PZP: variants seen among roughly 807,000 people sequenced by gnomAD.
PZP encodes PZP alpha-2-macroglobulin like.
PZP carries 150 observed loss-of-function variants against 179.8 expected under a neutral mutation model. The observed-to-expected ratio is 0.83, with a 90% CI of 0.73 to 0.96. The LOEUF (loss-of-function observed/expected upper bound fraction) is 0.96, where lower values mean the gene tolerates loss of function less well. Ranked by LOEUF, PZP falls within the 40% of genes least tolerant of loss-of-function variation. The pLI is 0.00. For synonymous variants in PZP, 624 were observed against 652.3 expected, an observed-to-expected ratio of 0.96 and a Z score of 0.66; for missense variants, 1,689 against 1,764.0, an observed-to-expected ratio of 0.96 and a Z score of 0.76.
chr12:9,185,792 T>TTCTTTTCTTTTCTTA, intron 13 of PZP, among the ~76,000 whole-genome samples: 1 of 145,358 alleles, frequency 6.9e-6, no homozygotes, highest in East Asian at 2.0e-4. Flanking sequence ...TGTTCAACAT[T>TTCTTTTCTTTTCTTA]TCTTTTCTTT....
At chr12:9,177,571 G>A (rs771056641) in intron 15 of PZP, among the ~76,000 whole-genome samples, 40 of 152,290 alleles carry the variant, frequency 2.6e-4, no homozygotes, top group Non-Finnish European at 4.4e-4. Flanking sequence ...GATAGGTAAC[G>A]CAAACACCCT....
chr12:9,149,575 G>A lies in PZP; in HGVS notation c.4412C>T (p.Ala1471Val). The change falls in exon 35 of 36, where the codon GCC becomes GTC. Residue 1471 changes from alanine to valine, a missense_variant. By Grantham distance (64) the Ala-to-Val change is moderately conservative (BLOSUM62 0). Transcript: ENST00000261336. The stretch of plus-strand genomic sequence containing the variant: ...TGAACTCTTACCTGTGCTGCAGGGG[G>A]CGATATACTCAGCAACCACAGACTC... ...TDESVVAEYI[A>V]PCSTDTEHGN... 6.2e-7 allele frequency: 1 copy of A among 1,613,104 alleles called. No individual in the cohort carries two copies. The highest frequency in any genetic ancestry group is 8.5e-7 in the Non-Finnish European group (1 of 1,179,412).
At chr12:9,157,932 T>A in intron 26 of PZP, 91 bp from the exon 27 acceptor site, 1 of 1,068,616 alleles carries the variant, frequency 9.4e-7, no homozygotes, top group Non-Finnish European at 1.4e-6. Context: ...TCAGTATCTG[T>A]TTCCATTCAA....
chr12:9,204,271 C>G (rs1292616285), intron 1 of PZP, among the ~76,000 whole-genome samples: 2 of 152,142 alleles, frequency 1.3e-5, no homozygotes, highest in African/African-American at 2.4e-5. Flanking sequence ...TAAAAAGAAT[C>G]TGAATTCTTG....
At chr12:9,165,095 C>A (rs776415222) in intron 19 of PZP, 44 bp downstream of exon 19, 1 of 1,582,812 alleles carries the variant, frequency 6.3e-7, no homozygotes, top group Non-Finnish European at 8.7e-7. Flanking sequence ...TCAAAGGAAT[C>A]TTTTGTTCTA....
At chr12:9,207,030 T>A (rs1944469750) in intron 1 of PZP, among the ~76,000 whole-genome samples, 1 of 152,128 alleles carries the variant, frequency 6.6e-6, no homozygotes. Flanking sequence ...GGGAGAAATG[T>A]ACCCCTACCG....
Position 9,181,094 on chromosome 12 carries a change from G to A in PZP, c.1728C>T (p.Ala576=), listed in dbSNP as rs1942732481. ...CTGCTACTTGCAGGTGGGCATGTGA[G>A]GCTGGGGGACTTTGTGCTGGGCTGA... is the stretch of plus-strand genomic sequence containing the variant. ...LSFSPAQSPP[A]SHAHLQVAAA... The change falls in exon 15 of 36, where the codon GCC becomes GCT. Residue 576 remains alanine (A), a synonymous_variant. Coordinates refer to ENST00000261336, the MANE Select transcript of PZP (RefSeq NM_002864.3). The A allele has an allele frequency of 6.2e-7, 1 of 1,614,058 alleles. No individual in the cohort carries two copies. Among genetic ancestry groups the A allele is most frequent in the Non-Finnish European group, 8.5e-7 (1 of 1,180,008 alleles).
At chr12:9,171,146 G>A (rs751058216) in intron 15 of PZP, among the ~76,000 whole-genome samples, 1 of 152,348 alleles carries the variant, frequency 6.6e-6, no homozygotes, top group East Asian at 1.9e-4. Flanking sequence ...CTAGAGGAAG[G>A]CACAGGCTGC....
chr12:9,189,068 T>C (rs1282215272), intron 13 of PZP, among the ~76,000 whole-genome samples: 3 of 152,298 alleles, frequency 2.0e-5, no homozygotes, highest in South Asian at 2.1e-4. Context: ...AATGGTCATA[T>C]TGCCCAAAGC....
chr12:9,202,196 G>T, intron 4 of PZP, 123 bp downstream of exon 4: 1 of 867,682 alleles, frequency 1.2e-6, no homozygotes, highest in Non-Finnish European at 1.8e-6. Context: ...CTGTGCTGAG[G>T]CTGGAGCCAA....
chr12:9,176,870 A>G (rs989758754), intron 15 of PZP, among the ~76,000 whole-genome samples: 1 of 152,208 alleles, frequency 6.6e-6, no homozygotes, highest in African/African-American at 2.4e-5. Flanking sequence ...ATGTCTTTGT[A>G]TCTAGAGGTA....
intron 15 of PZP, among the ~76,000 whole-genome samples, chr12:9,177,251 A>G (rs1462907375): frequency 1.3e-5 from 2 of 152,238 alleles, no homozygotes; most frequent in Admixed American, 6.5e-5. Flanking sequence ...CTTGGATCAC[A>G]TGCTCTGGAG....
Position 9,192,205 on chromosome 12 carries a change from C to G in PZP, c.1534G>C (p.Glu512Gln), listed in dbSNP as rs777564969. The change falls in exon 13 of 36, where the codon GAG becomes CAG. Residue 512 changes from glutamate (E) to glutamine (Q), a missense_variant. Glu to Gln is a conservative substitution (Grantham distance 29). Coordinates refer to ENST00000261336, the MANE Select transcript of PZP (RefSeq NM_002864.3). ...VRSGTHTLPV[E>Q]SGDMKGSFAL... Reference sequence around the variant, plus strand: ...TGAGGATACTCACTGTCTCCTGACTCCACAGGCAGAGTGTGGGTTCCAGAT... The same window carrying G: ...TGAGGATACTCACTGTCTCCTGACTGCACAGGCAGAGTGTGGGTTCCAGAT... 5.0e-6 allele frequency: 8 copies of G among 1,613,734 alleles called. No individual in the cohort carries two copies. Among genetic ancestry groups the G allele is most frequent in the African/African-American group, 1.3e-5 (1 of 74,902 alleles).
At chr12:9,155,492 ATTG>A (rs5796340) in intron 28 of PZP, among the ~76,000 whole-genome samples, 28,220 of 151,306 alleles carry the variant, frequency 0.19, 2,969 homozygotes, top group East Asian at 0.46. Flanking sequence ...TGTTGTTGTT[ATTG>A]TTGTTGTTGT....
rs142943281 is a variant in PZP at position 9,202,623 on chromosome 12, G to A, written c.329C>T (p.Thr110Met). The change falls in exon 3 of 36, where the codon ACG (threonine) becomes ATG (methionine). Residue 110 changes from threonine to methionine, a missense_variant. Thr to Met is a moderately conservative substitution (Grantham distance 81). Coordinates refer to ENST00000261336, the MANE Select transcript of PZP (RefSeq NM_002864.3). ...AFLSIQIKGP[T>M]QDFRKRNTVL... is the part of the protein sequence containing the mutation. ...TGTGTTCCTCTTCCTGAAATCTTGC[G>A]TAGGCCCCTTTATCTGGATGCTAAG... 218 of 1,614,048 alleles carry A rather than the reference G, an allele frequency of 1.4e-4. 1 individual carries two copies. Among genetic ancestry groups the A allele is most frequent in the East Asian group, 3.3e-4 (15 of 44,868 alleles).
rs1944231485 is a variant in PZP at position 9,202,656 on chromosome 12, A to G, written c.296T>C (p.Val99Ala). ...TLPRISASSE[V>A]AFLSIQIKGP... ...CTTTATCTGGATGCTAAGGAATGCC[A>G]CCTCTGAAGAGGCTGAGATCCTTGG... The change falls in exon 3 of 36, where the codon GTG (valine) becomes GCG (alanine). Residue 99 changes from valine (V) to alanine (A), a missense_variant. Coordinates refer to ENST00000261336, the MANE Select transcript of PZP (RefSeq NM_002864.3). 1 of 1,614,062 alleles carries G rather than the reference A, an allele frequency of 6.2e-7. No individual in the cohort carries two copies. The highest frequency in any genetic ancestry group is 1.1e-5 in the South Asian group (1 of 91,072).
At chr12:9,138,823 A>G in the PZP span, among the ~76,000 whole-genome samples, 2 of 152,036 alleles carry the variant, frequency 1.3e-5, no homozygotes, top group East Asian at 3.9e-4. Context: ...GAGCAGTTAT[A>G]ATGTATCTTC....
chr12:9,181,973 A>G lies in PZP; in HGVS notation c.1689+2T>C, dbSNP rs886688234. The G allele has an allele frequency of 6.2e-7, 1 of 1,612,750 alleles. No individual in the cohort carries two copies. Among genetic ancestry groups the G allele is most frequent in the Non-Finnish European group, 8.5e-7 (1 of 1,179,412 alleles). On this transcript the variant is annotated splice_donor_variant, in intron 14 of 35. Transcript: ENST00000261336. LOFTEE classifies it high-confidence loss of function. ...CTTTTAATTTTATGTTAAATCGCTCACCTTGTTGGCTAGACAGTTTTCAAT... is the reference window on the plus strand; with the variant it reads ...CTTTTAATTTTATGTTAAATCGCTCGCCTTGTTGGCTAGACAGTTTTCAAT...
chr12:9,163,171 G>A (rs1256538471), intron 21 of PZP, among the ~76,000 whole-genome samples: 1 of 151,906 alleles, frequency 6.6e-6, no homozygotes, highest in East Asian at 1.9e-4. Context: ...GGAGAGAGGT[G>A]GAGATCAAGA....
Sources: gnomAD v4.1 joint callset for allele counts (sites outside exome capture counted in the v4.1 genomes callset) on GRCh38, gnomAD v4.1.1 for gene constraint, MANE v1.5 for transcripts, NCBI Gene and HGNC (gene_info 2026-07-23, HGNC 2026-07-21) for gene names.